KCNS3: variants seen among roughly 807,000 people sequenced by gnomAD.
KCNS3 encodes the protein delayed-rectifier potassium channel regulatory subunit KCNS3.
Under a neutral mutation model 31.0 loss-of-function variants are expected in KCNS3, and 13 were observed. That is an observed-to-expected ratio of 0.42 (90% CI 0.27 to 0.67). The LOEUF (loss-of-function observed/expected upper bound fraction) is 0.67, where lower values mean the gene tolerates loss of function less well. KCNS3 is among the 30% of genes least tolerant of loss of function. The pLI, the probability that KCNS3 is intolerant of heterozygous loss-of-function variation, is 0.25. For missense variants in KCNS3, 545 were observed against 622.4 expected, an observed-to-expected ratio of 0.88 and a Z score of 1.32; for synonymous variants, 238 against 241.5, an observed-to-expected ratio of 0.99 and a Z score of 0.13.
rs1674720515 is a variant in KCNS3 at position 17,884,319 on chromosome 2, G to A, written c.-252+5513G>A. Among the ~76,000 whole-genome samples, 3 of 136,330 alleles carry A rather than the reference G, an allele frequency of 2.2e-5. No individual in the cohort carries two copies. In the South Asian group the frequency reaches 7.2e-4, roughly 33 times the overall value. 89.4% of individuals were successfully genotyped at this position (136,330 alleles called of 152,430 possible). On this transcript the variant is annotated intron_variant, in intron 1 of 2. Transcript: ENST00000304101. Reference sequence around the variant, plus strand: ...TATATATATATTTAAAAAGAAGAGGGCTGGGGTCAGATCAAGCTGTGCCCT... The same window carrying A: ...TATATATATATTTAAAAAGAAGAGGACTGGGGTCAGATCAAGCTGTGCCCT...
At chr2:17,929,321 G>A (rs1662904178) in intron 2 of KCNS3, among the ~76,000 whole-genome samples, 1 of 152,176 alleles carries the variant, frequency 6.6e-6, no homozygotes. Context: ...GGCTGGGGAG[G>A]CCTCAGGAAA....
rs1287026632 is a variant in KCNS3 at position 17,932,643 on chromosome 2, C to T, written c.*159C>T. Reference sequence around the variant, plus strand: ...CTGAATTCTGAAATGATAGAATTGTCTTTATTTTTCTCTGTGAGGTCAATT... The same window carrying T: ...CTGAATTCTGAAATGATAGAATTGTTTTTATTTTTCTCTGTGAGGTCAATT... On this transcript the variant is annotated 3_prime_UTR_variant, in exon 3 of 3. Coordinates refer to ENST00000304101, the MANE Select transcript of KCNS3 (RefSeq NM_002252.5). The T allele has an allele frequency of 1.4e-6, 1 of 721,156 alleles. No individual in the cohort carries two copies. 44.7% of individuals were successfully genotyped at this position (721,156 alleles called of 1,614,324 possible). A position where few individuals can be genotyped will look rare whatever the true frequency, so the allele number is the denominator to read the frequency against.
chr2:17,892,954 G>T (rs13009092), intron 1 of KCNS3, among the ~76,000 whole-genome samples: 1 of 152,122 alleles, frequency 6.6e-6, no homozygotes. Context: ...AGTATGGGGA[G>T]GAACCAGCAG....
chr2:17,925,496 A>G (rs1434547172), intron 2 of KCNS3, among the ~76,000 whole-genome samples: 2 of 152,216 alleles, frequency 1.3e-5, no homozygotes, highest in Non-Finnish European at 2.9e-5. Context: ...TAATTTAGAA[A>G]GAAAAGAGAT....
intron 1 of KCNS3, among the ~76,000 whole-genome samples, chr2:17,914,568 C>T (rs960437889): frequency 6.6e-6 from 1 of 152,178 alleles, no homozygotes; most frequent in South Asian, 2.1e-4. Context: ...TTTCATTATC[C>T]ACATTTATTC....
intron 1 of KCNS3, among the ~76,000 whole-genome samples, chr2:17,883,466 T>G (rs1674689215): frequency 6.6e-6 from 1 of 151,812 alleles, no homozygotes; most frequent in African/African-American, 2.4e-5. Context: ...AAAATTTAAG[T>G]AGTGGTAAGT....
At chr2:17,926,396 G>A (rs778052002) in intron 2 of KCNS3, among the ~76,000 whole-genome samples, 3 of 152,212 alleles carry the variant, frequency 2.0e-5, no homozygotes, top group South Asian at 2.1e-4. Context: ...TGCCCCAATG[G>A]GGACTCTGCG....
chr2:17,890,443 T>G (rs1015041597), intron 1 of KCNS3, among the ~76,000 whole-genome samples: 10 of 152,120 alleles, frequency 6.6e-5, no homozygotes, highest in Admixed American at 6.5e-4. Flanking sequence ...TACTCTGATC[T>G]TGGTTATTTC....
intron 1 of KCNS3, among the ~76,000 whole-genome samples, chr2:17,897,193 G>A (rs550599471): frequency 6.6e-6 from 1 of 152,272 alleles, no homozygotes; most frequent in African/African-American, 2.4e-5. Context: ...ATGGCCTTTA[G>A]CTGCATTCAT....
intron 1 of KCNS3, among the ~76,000 whole-genome samples, chr2:17,912,855 T>G (rs1323281259): frequency 6.6e-6 from 1 of 152,260 alleles, no homozygotes. Flanking sequence ...CTGAATATAT[T>G]AGACCCTGAG....
At chr2:17,921,444 G>T (rs753559484) in intron 2 of KCNS3, among the ~76,000 whole-genome samples, 3 of 152,010 alleles carry the variant, frequency 2.0e-5, no homozygotes, top group Non-Finnish European at 4.4e-5. Context: ...TTACTATTGG[G>T]ACACTGAAAA....
intron 2 of KCNS3, among the ~76,000 whole-genome samples, chr2:17,924,226 C>T (rs1662784293): frequency 6.6e-6 from 1 of 151,582 alleles, no homozygotes; most frequent in Admixed American, 6.6e-5. Flanking sequence ...AATTGCTGAA[C>T]TTATTTATTA....
intron 1 of KCNS3, among the ~76,000 whole-genome samples, chr2:17,898,672 A>C (rs1662088423): frequency 6.6e-6 from 1 of 152,096 alleles, no homozygotes; most frequent in African/African-American, 2.4e-5. Context: ...AGCCTTTCCT[A>C]CTGGTTTGAA....
chr2:17,890,310 C>T (rs184674466), intron 1 of KCNS3, among the ~76,000 whole-genome samples: 1 of 152,170 alleles, frequency 6.6e-6, no homozygotes, highest in East Asian at 1.9e-4. Context: ...TGGATTTTCT[C>T]TCTTCTTTTC....
rs1366990859 is a variant in KCNS3, at chr2:17,931,013, T to C, written c.5T>C (p.Val2Ala). M[V>A]FGEFFHRPGQ... is the part of the protein sequence containing the mutation. ...ACTCTGCCTTCTGTATCCACCATGG[T>C]GTTTGGTGAGTTTTTCCATCGCCCT... Residue 2 changes from valine (V) to alanine (A), a missense_variant, in exon 3 of 3, where the codon GTG (valine) becomes GCG (alanine). By Grantham distance (64) the Val-to-Ala change is moderately conservative. Coordinates refer to ENST00000304101, the MANE Select transcript of KCNS3 (RefSeq NM_002252.5). The surrounding 1 kb of genome is among the most constrained non-coding windows in gnomAD (Gnocchi z 5.4). The C allele has an allele frequency of 1.2e-6, 2 of 1,612,822 alleles. No individual in the cohort carries two copies. The highest frequency in any genetic ancestry group is 2.2e-5 in the East Asian group (1 of 44,866).
chr2:17,925,581 G>A (rs888736366), intron 2 of KCNS3, among the ~76,000 whole-genome samples: 4 of 152,310 alleles, frequency 2.6e-5, no homozygotes, highest in South Asian at 2.1e-4. Flanking sequence ...GAAGAGGCAC[G>A]TCTTACATGG....
intron 1 of KCNS3, among the ~76,000 whole-genome samples, chr2:17,908,654 CTGTT>C (rs1662396010): frequency 6.6e-6 from 1 of 152,160 alleles, no homozygotes; most frequent in Non-Finnish European, 1.5e-5. Context: ...GATGTCCTTT[CTGTT>C]TGTTAGTTTT....
chr2:17,896,970 G>C (rs1410762606), intron 1 of KCNS3, among the ~76,000 whole-genome samples: 1 of 151,958 alleles, frequency 6.6e-6, no homozygotes, highest in Non-Finnish European at 1.5e-5. Context: ...TGAGGTTTGG[G>C]GTATGATGGG....
intron 1 of KCNS3, among the ~76,000 whole-genome samples, chr2:17,908,775 A>T (rs1182276120): frequency 6.6e-6 from 1 of 152,222 alleles, no homozygotes; most frequent in Non-Finnish European, 1.5e-5. Context: ...CAGAACAGCG[A>T]ATATTGCTGA....
Sources: allele counts gnomAD v4.1 joint callset (sites outside exome capture counted in the v4.1 genomes callset), GRCh38; gene constraint gnomAD v4.1.1; non-coding constraint Gnocchi (gnomAD v3.1); transcripts MANE v1.5; gene names NCBI Gene and HGNC (gene_info 2026-07-23, HGNC 2026-07-21).